The following INPP5A variants were observed in gnomAD, a reference collection of about 807,000 sequenced individuals.
INPP5A encodes 43 kDa inositol polyphosphate 5-phophatase.
A neutral mutation model predicts 65.2 loss-of-function variants in INPP5A; 14 were observed. The ratio of observed to expected loss-of-function variants is 0.21; its 90% CI spans 0.14 to 0.34. INPP5A has a LOEUF of 0.34. INPP5A is among the 10% of genes least tolerant of loss of function. INPP5A has a pLI of 1.00. For missense variants in INPP5A, 431 were observed against 545.6 expected (o/e 0.79, Z 2.09); for synonymous variants, 207 against 208.3 (o/e 0.99, Z 0.05).
chr10:132,614,295 G>A lies in INPP5A; in HGVS notation c.117+6339G>A, dbSNP rs146113948. On this transcript the variant is annotated intron_variant, in intron 2 of 15. Coordinates refer to ENST00000368594, the MANE Select transcript of INPP5A (RefSeq NM_005539.5). ...AGCCTGGCCAACATGATGAAACCCC[G>A]TCTTTACTACAAATACAAAAAATTA... Among the ~76,000 whole-genome samples the A allele has an allele frequency of 6.9e-3, 1,043 of 152,232 alleles. 10 individuals are homozygous for A. The highest frequency in any genetic ancestry group is 0.023 in the African/African-American group (945 of 41,530).
At chr10:132,601,981 C>T (rs1168343873) in intron 1 of INPP5A, among the ~76,000 whole-genome samples, 3 of 152,128 alleles carry the variant, frequency 2.0e-5, no homozygotes, top group Non-Finnish European at 2.9e-5. Context: ...TGAATTTTAG[C>T]GTGGACTTTT....
intron 6 of INPP5A, among the ~76,000 whole-genome samples, chr10:132,703,429 T>A (rs1340999767): frequency 1.5e-5 from 1 of 68,620 alleles, no homozygotes; most frequent in African/African-American, 5.8e-5. Flanking sequence ...CCCCCCCACA[T>A]ACACACAGCT....
At chr10:132,639,715 G>A (rs748903521) in intron 2 of INPP5A, among the ~76,000 whole-genome samples, 46 of 152,176 alleles carry the variant, frequency 3.0e-4, no homozygotes, top group Non-Finnish European at 4.9e-4. Context: ...CCGACTACGC[G>A]TAGAGTAGAT....
At chr10:132,735,830 C>T (rs755240953) in intron 9 of INPP5A, among the ~76,000 whole-genome samples, 40 of 152,160 alleles carry the variant, frequency 2.6e-4, no homozygotes, top group Non-Finnish European at 4.9e-4. Context: ...TCTGGGAGGA[C>T]GACCAGCTTG....
intron 13 of INPP5A, among the ~76,000 whole-genome samples, chr10:132,779,633 C>G (rs1299059643): frequency 6.6e-6 from 1 of 152,252 alleles, no homozygotes; most frequent in Non-Finnish European, 1.5e-5. Flanking sequence ...CAACACACAC[C>G]TGGCGGCCTT....
At chr10:132,711,212 C>T (rs1590945017) in intron 8 of INPP5A, among the ~76,000 whole-genome samples, 1 of 152,124 alleles carries the variant, frequency 6.6e-6, no homozygotes. Context: ...CCCCCCAGTG[C>T]TCCGGGCTGC....
chr10:132,582,202 G>A (rs1223541711), intron 1 of INPP5A, among the ~76,000 whole-genome samples: 1 of 151,976 alleles, frequency 6.6e-6, no homozygotes, highest in Non-Finnish European at 1.5e-5. Flanking sequence ...TATGGTTCTC[G>A]CTTTCTGAGG....
chr10:132,552,766 G>C (rs1432495038), intron 1 of INPP5A, among the ~76,000 whole-genome samples: 6 of 146,646 alleles, frequency 4.1e-5, no homozygotes, highest in Admixed American at 4.0e-4. Flanking sequence ...CCTTCTCAGA[G>C]CCTTGGGGGA....
chr10:132,781,278 TTG>T (rs1374208882), intron 14 of INPP5A, among the ~76,000 whole-genome samples: 1 of 152,238 alleles, frequency 6.6e-6, no homozygotes, highest in Non-Finnish European at 1.5e-5. Flanking sequence ...AATGGCCTTC[TTG>T]GGGCAGGCTC....
At position 132,565,793 on chromosome 10, in the gene INPP5A, ATGTG is replaced by A. The variant is rs561659884; in HGVS notation, c.75+27629_75+27632del. ...TGTGTGTATGTGAATGCGTGTGAGT[ATGTG>A]TGTGTGGGTCTCTGTGTATGCATGT... On this transcript the variant is annotated intron_variant, in intron 1 of 15. Coordinates refer to ENST00000368594, the MANE Select transcript of INPP5A (RefSeq NM_005539.5). Among the ~76,000 whole-genome samples, 270 of 144,928 alleles carry A rather than the reference ATGTG, an allele frequency of 1.9e-3. 3 individuals carry two copies. Among genetic ancestry groups the A allele is most frequent in the African/African-American group, 6.6e-3 (259 of 38,970 alleles).
intron 6 of INPP5A, among the ~76,000 whole-genome samples, chr10:132,702,554 C>G (rs1845453586): frequency 6.6e-6 from 1 of 152,212 alleles, no homozygotes; most frequent in Non-Finnish European, 1.5e-5. Context: ...ATCGCAAATT[C>G]TAGGTAAAAA....
intron 9 of INPP5A, among the ~76,000 whole-genome samples, chr10:132,732,898 C>T (rs1031550943): frequency 3.3e-5 from 5 of 152,174 alleles, no homozygotes; most frequent in Non-Finnish European, 5.9e-5. Flanking sequence ...TCTCCTGTCT[C>T]CGTGTGGGGA....
chr10:132,548,893 C>T (rs2071015145), intron 1 of INPP5A, among the ~76,000 whole-genome samples: 1 of 149,366 alleles, frequency 6.7e-6, no homozygotes, highest in African/African-American at 2.5e-5. Context: ...AACTCCTGGA[C>T]TCAAGCATTC....
chr10:132,596,942 T>TGCATGTGTGCGCACATGTGC (rs1564929040), intron 1 of INPP5A, among the ~76,000 whole-genome samples: 8 of 30,778 alleles, frequency 2.6e-4, no homozygotes, highest in African/African-American at 7.8e-4. Flanking sequence ...CACGCATGTG[T>TGCATGTGTGCGCACATGTGC]GCGTGTGTGC....
At chr10:132,752,188 A>G (rs1024929190) in intron 11 of INPP5A, among the ~76,000 whole-genome samples, 1 of 151,410 alleles carries the variant, frequency 6.6e-6, no homozygotes, top group Non-Finnish European at 1.5e-5. Flanking sequence ...AGGTGCTTTC[A>G]GGGTCCCTAG....
At chr10:132,710,743 G>C (rs1845621925) in intron 8 of INPP5A, among the ~76,000 whole-genome samples, 1 of 151,250 alleles carries the variant, frequency 6.6e-6, no homozygotes, top group African/African-American at 2.4e-5. Context: ...GGAGAGGTAG[G>C]TGTGCTGGGC....
intron 11 of INPP5A, among the ~76,000 whole-genome samples, chr10:132,751,318 G>T (rs914647617): frequency 1.3e-5 from 2 of 152,212 alleles, no homozygotes; most frequent in African/African-American, 4.8e-5. Context: ...TTGGTGTCCT[G>T]TCCCCACATG....
At chr10:132,564,412 G>A (rs1338458203) in intron 1 of INPP5A, among the ~76,000 whole-genome samples, 5 of 152,098 alleles carry the variant, frequency 3.3e-5, no homozygotes, top group Non-Finnish European at 5.9e-5. Context: ...TGCTCAATGG[G>A]TGAGTGACAA....
intron 2 of INPP5A, 115 bp from the exon 3 acceptor site, chr10:132,645,753 C>T (rs956100411): frequency 2.1e-5 from 16 of 745,708 alleles, no homozygotes; most frequent in South Asian, 3.4e-5. Context: ...CATGGGGCCC[C>T]GTCTCTGCCA....
Sources: gnomAD v4.1 joint callset for allele counts (sites outside exome capture counted in the v4.1 genomes callset) on GRCh38, gnomAD v4.1.1 for gene constraint, MANE v1.5 for transcripts, NCBI Gene and HGNC (gene_info 2026-07-23, HGNC 2026-07-21) for gene names.